PTPRD: variants seen among roughly 807,000 people sequenced by gnomAD.
The protein encoded by PTPRD is receptor-type tyrosine-protein phosphatase delta.
PTPRD carries 34 observed loss-of-function variants against 214.5 expected under a neutral mutation model. The observed-to-expected ratio is 0.16, with a 90% CI of 0.12 to 0.21. The LOEUF is 0.21. Among genes scored for constraint, PTPRD ranks in the 10% least tolerant of loss-of-function variants. PTPRD has a pLI of 1.00. For missense variants in PTPRD, 2,545 were observed against 2,398.7 expected (o/e 1.06, Z -1.27); for synonymous variants, 1,128 against 845.7 (o/e 1.33, Z -5.79).
intron 5 of PTPRD, among the ~76,000 whole-genome samples, chr9:9,894,291 T>C (rs931589225): frequency 6.6e-6 from 1 of 152,058 alleles, no homozygotes; most frequent in African/African-American, 2.4e-5. Flanking sequence ...ATTCAGATTA[T>C]AGTATCTCCT....
At chr9:9,753,930 TC>T (rs1410550253) in intron 6 of PTPRD, among the ~76,000 whole-genome samples, 6 of 152,068 alleles carry the variant, frequency 3.9e-5, no homozygotes, top group African/African-American at 1.2e-4. Flanking sequence ...AACTCGGATT[TC>T]CTCAAATAGA....
At chr9:10,040,359 T>C (rs2154141527) in intron 3 of PTPRD, among the ~76,000 whole-genome samples, 1 of 152,146 alleles carries the variant, frequency 6.6e-6, no homozygotes, top group South Asian at 2.1e-4. Context: ...CGAAACATTT[T>C]AGATACACCT....
intron 3 of PTPRD, among the ~76,000 whole-genome samples, chr9:10,223,740 C>G (rs10958960): frequency 0.084 from 12,458 of 148,540 alleles, 675 homozygotes; most frequent in Non-Finnish European, 0.12. Context: ...CCACTGTATT[C>G]CATTAAAACA....
intron 8 of PTPRD, among the ~76,000 whole-genome samples, chr9:9,449,764 G>A (rs935037019): frequency 8.6e-5 from 13 of 151,740 alleles, no homozygotes; most frequent in Non-Finnish European, 1.5e-4. Flanking sequence ...AGTTTTGGGG[G>A]TACAAGTGGT....
At chr9:9,807,618 TTTA>T (rs1484796771) in intron 5 of PTPRD, among the ~76,000 whole-genome samples, 1 of 152,136 alleles carries the variant, frequency 6.6e-6, no homozygotes, top group African/African-American at 2.4e-5. Flanking sequence ...ATATCTTGCT[TTTA>T]TTATTATTTA....
At chr9:9,049,193 A>T (rs78333685) in intron 10 of PTPRD, among the ~76,000 whole-genome samples, 286 of 152,314 alleles carry the variant, frequency 1.9e-3, no homozygotes, top group African/African-American at 6.4e-3. Context: ...TGAAGAGTTA[A>T]GCCTTAAGGC....
At chr9:8,352,533 G>A (rs1418848302) in intron 39 of PTPRD, among the ~76,000 whole-genome samples, 3 of 152,158 alleles carry the variant, frequency 2.0e-5, no homozygotes, top group East Asian at 1.9e-4. Context: ...GTAAAGCTGC[G>A]TGGGTTGTAT....
At chr9:9,314,623 G>A (rs1961491111) in intron 9 of PTPRD, among the ~76,000 whole-genome samples, 1 of 151,974 alleles carries the variant, frequency 6.6e-6, no homozygotes, top group Non-Finnish European at 1.5e-5. Context: ...ATAGTGTTTT[G>A]CTTATGGTAG....
At chr9:9,820,833 T>C (rs1000571204) in intron 5 of PTPRD, among the ~76,000 whole-genome samples, 3 of 152,084 alleles carry the variant, frequency 2.0e-5, no homozygotes, top group East Asian at 1.9e-4. Flanking sequence ...TTCTGTTCCA[T>C]TGATTTATGT....
intron 3 of PTPRD, among the ~76,000 whole-genome samples, chr9:10,253,115 G>A (rs2092936283): frequency 6.6e-6 from 1 of 152,078 alleles, no homozygotes; most frequent in Non-Finnish European, 1.5e-5. Flanking sequence ...TAAATGAATA[G>A]ACCTTTTAAG....
chr9:10,424,083 T>C (rs918417388), intron 2 of PTPRD, among the ~76,000 whole-genome samples: 2 of 151,968 alleles, frequency 1.3e-5, no homozygotes, highest in South Asian at 2.1e-4. Flanking sequence ...TTAAAACATT[T>C]TGTTTGAGTT....
At chr9:10,166,453 A>G (rs1039393828) in intron 3 of PTPRD, among the ~76,000 whole-genome samples, 5 of 151,906 alleles carry the variant, frequency 3.3e-5, no homozygotes, top group African/African-American at 1.2e-4. Context: ...TAGTTCATTA[A>G]TAGTTTTATT....
At chr9:10,612,309 C>G (rs1177359824) in intron 2 of PTPRD, 89 bp downstream of exon 2, 1 of 151,256 alleles carries the variant, frequency 6.6e-6, no homozygotes, top group Admixed American at 6.6e-5. Context: ...AATGAATAAA[C>G]TGTCCACAGC....
At chr9:9,326,178 G>C (rs975010975) in intron 9 of PTPRD, among the ~76,000 whole-genome samples, 1 of 152,108 alleles carries the variant, frequency 6.6e-6, no homozygotes, top group Admixed American at 6.6e-5. Flanking sequence ...GTGACTTAAT[G>C]AAGGGAAAGA....
chr9:9,981,180 G>A (rs1336423937), intron 4 of PTPRD, among the ~76,000 whole-genome samples: 1 of 152,088 alleles, frequency 6.6e-6, no homozygotes, highest in Non-Finnish European at 1.5e-5. Flanking sequence ...AAAATGCAGT[G>A]GATGTATACT....
chr9:10,245,799 A>G (rs1401234453), intron 3 of PTPRD, among the ~76,000 whole-genome samples: 3 of 152,136 alleles, frequency 2.0e-5, no homozygotes, highest in Non-Finnish European at 4.4e-5. Flanking sequence ...AGGTGAGGCA[A>G]TATATGAAGG....
At chr9:8,994,227 T>G (rs1196590216) in intron 11 of PTPRD, among the ~76,000 whole-genome samples, 1 of 152,134 alleles carries the variant, frequency 6.6e-6, no homozygotes, top group Admixed American at 6.6e-5. Flanking sequence ...TTGCTTAATT[T>G]GACTTTGCAT....
chr9:8,758,983 C>T (rs1028708863), intron 11 of PTPRD, among the ~76,000 whole-genome samples: 4 of 151,454 alleles, frequency 2.6e-5, no homozygotes, highest in Admixed American at 6.6e-5. Context: ...CCGCACCTGG[C>T]CTAACAGGGT....
chr9:8,982,712 A>G (rs10977422), intron 11 of PTPRD, among the ~76,000 whole-genome samples: 19,478 of 151,820 alleles, frequency 0.13, 1,352 homozygotes, highest in South Asian at 0.21. Flanking sequence ...CAAGTTCACT[A>G]TTTTCTTTTT....
Sources: allele counts gnomAD v4.1 joint callset (sites outside exome capture counted in the v4.1 genomes callset), GRCh38; gene constraint gnomAD v4.1.1; transcripts MANE v1.5; gene names NCBI Gene and HGNC (gene_info 2026-07-23, HGNC 2026-07-21).